Variants in CCBE1 observed in about 807,000 individuals in gnomAD.
CCBE1 encodes collagen and calcium binding EGF domains 1.
Under a neutral mutation model 50.0 loss-of-function variants are expected in CCBE1, and 37 were observed. That is an observed-to-expected ratio of 0.74 (90% CI 0.57 to 0.97). The LOEUF (loss-of-function observed/expected upper bound fraction) is 0.97. CCBE1 is among the 50% of genes least tolerant of loss of function. The pLI, the probability that CCBE1 is intolerant of heterozygous loss-of-function variation, is 0.00. For missense variants in CCBE1, 538 were observed against 523.8 expected, an observed-to-expected ratio of 1.03 and a Z score of -0.26; for synonymous variants, 234 against 203.7, an observed-to-expected ratio of 1.15 and a Z score of -1.27.
intron 2 of CCBE1, among the ~76,000 whole-genome samples, chr18:59,681,420 G>A (rs2054586921): frequency 1.3e-5 from 2 of 152,222 alleles, no homozygotes; most frequent in Non-Finnish European, 2.9e-5. Flanking sequence ...AAGCTGATCT[G>A]ATGTCCCCTT....
At chr18:59,492,341 T>C (rs1191267359) in intron 2 of CCBE1, among the ~76,000 whole-genome samples, 1 of 152,032 alleles carries the variant, frequency 6.6e-6, no homozygotes, top group Non-Finnish European at 1.5e-5. Flanking sequence ...GCTATTCCCT[T>C]TTATCTATGG....
intron 2 of CCBE1, among the ~76,000 whole-genome samples, chr18:59,667,139 T>A (rs1302243052): frequency 1.3e-5 from 2 of 151,620 alleles, no homozygotes; most frequent in African/African-American, 4.9e-5. Flanking sequence ...CCTGGTGGCA[T>A]ACGTCTATAG....
At chr18:59,583,400 G>A (rs2053116035) in intron 2 of CCBE1, among the ~76,000 whole-genome samples, 1 of 152,166 alleles carries the variant, frequency 6.6e-6, no homozygotes, top group Admixed American at 6.5e-5. Context: ...CACGATTTCA[G>A]ACATTTCTTC....
intron 2 of CCBE1, among the ~76,000 whole-genome samples, chr18:59,623,670 C>A (rs1343551944): frequency 6.6e-6 from 1 of 152,096 alleles, no homozygotes; most frequent in Non-Finnish European, 1.5e-5. Context: ...CAGATCAGTA[C>A]AAAAGCAAGG....
rs12605624 is a variant in CCBE1 at position 59,592,535 on chromosome 18, T to C, written c.212+104094A>G. Among the ~76,000 whole-genome samples, 317 of 152,322 alleles carry C rather than the reference T, an allele frequency of 2.1e-3. 4 individuals carry two copies. The East Asian group carries it at 0.032, about 15-fold the overall frequency. On this transcript the variant is annotated intron_variant, in intron 2 of 10. Transcript: ENST00000439986. ...TACAGATATAAAATGACATCTACAA[T>C]ATATTGATAAGCAAAGAAAGCCAAG...
intron 2 of CCBE1, among the ~76,000 whole-genome samples, chr18:59,543,237 G>A (rs2144388663): frequency 6.6e-6 from 1 of 152,244 alleles, no homozygotes. Context: ...CTTAATGTAG[G>A]TGATCCCCGC....
chr18:59,657,630 G>A (rs957344088), intron 2 of CCBE1, among the ~76,000 whole-genome samples: 7 of 152,188 alleles, frequency 4.6e-5, no homozygotes, highest in Non-Finnish European at 7.3e-5. Context: ...GGTGGCTCAC[G>A]CCTATAATCC....
intron 2 of CCBE1, among the ~76,000 whole-genome samples, chr18:59,526,586 G>A (rs576343753): frequency 1.3e-4 from 20 of 152,284 alleles, no homozygotes; most frequent in Admixed American, 3.3e-4. Context: ...TGGGATTACA[G>A]GTGTGAGCCA....
intron 5 of CCBE1, among the ~76,000 whole-genome samples, chr18:59,463,577 G>A (rs372787210): frequency 6.6e-6 from 1 of 152,176 alleles, no homozygotes; most frequent in Admixed American, 6.5e-5. Context: ...TCTGATACCA[G>A]TCTCTGGAAA....
chr18:59,502,410 G>A (rs1020163267), intron 2 of CCBE1, among the ~76,000 whole-genome samples: 1 of 152,028 alleles, frequency 6.6e-6, no homozygotes, highest in Non-Finnish European at 1.5e-5. Flanking sequence ...AAGAACATGA[G>A]TGCCAAAGAA....
At chr18:59,561,174 C>T (rs375818978) in intron 2 of CCBE1, among the ~76,000 whole-genome samples, 11 of 152,318 alleles carry the variant, frequency 7.2e-5, no homozygotes, top group South Asian at 2.1e-4. Context: ...TGGTAATCTG[C>T]GCCAATAGCT....
intron 2 of CCBE1, among the ~76,000 whole-genome samples, chr18:59,689,907 ACT>A (rs377397325): frequency 6.6e-6 from 1 of 152,060 alleles, no homozygotes; most frequent in East Asian, 1.9e-4. Context: ...GGTTTTCCTG[ACT>A]CTGCTTGAAG....
intron 2 of CCBE1, among the ~76,000 whole-genome samples, chr18:59,631,997 ATG>A (rs1304380123): frequency 2.6e-5 from 4 of 152,222 alleles, no homozygotes; most frequent in Non-Finnish European, 5.9e-5. Context: ...TCCAACACAG[ATG>A]TCCTTAAGAA....
intron 2 of CCBE1, among the ~76,000 whole-genome samples, chr18:59,629,830 G>A (rs1268595344): frequency 6.6e-6 from 1 of 152,138 alleles, no homozygotes; most frequent in African/African-American, 2.4e-5. Context: ...TGCCTTCAGG[G>A]GGAGGTAGCA....
chr18:59,596,534 C>A (rs144698862), intron 2 of CCBE1, among the ~76,000 whole-genome samples: 6 of 152,038 alleles, frequency 3.9e-5, no homozygotes, highest in East Asian at 1.9e-4. Context: ...TGATATACGG[C>A]GGAGGAAAAA....
At chr18:59,604,847 T>G (rs2053476313) in intron 2 of CCBE1, among the ~76,000 whole-genome samples, 1 of 152,240 alleles carries the variant, frequency 6.6e-6, no homozygotes, top group Non-Finnish European at 1.5e-5. Context: ...TCTTAAAATG[T>G]ATCATTTGTT....
chr18:59,643,684 G>T (rs556105187), intron 2 of CCBE1, among the ~76,000 whole-genome samples: 1 of 152,116 alleles, frequency 6.6e-6, no homozygotes, highest in Admixed American at 6.5e-5. Context: ...AGCCAAGTGT[G>T]GGGGCGCACA....
chr18:59,593,523 C>T (rs1302644323), intron 2 of CCBE1, among the ~76,000 whole-genome samples: 2 of 152,236 alleles, frequency 1.3e-5, no homozygotes, highest in Non-Finnish European at 2.9e-5. Flanking sequence ...TGCCATCCTC[C>T]TTCAGTAGCA....
intron 5 of CCBE1, among the ~76,000 whole-genome samples, chr18:59,460,996 C>T (rs58193263): frequency 1.3e-5 from 2 of 150,208 alleles, no homozygotes; most frequent in African/African-American, 4.9e-5. Context: ...AAAATGAGGT[C>T]TTCACATGGA....
Sources: gnomAD v4.1 joint callset for allele counts (sites outside exome capture counted in the v4.1 genomes callset) on GRCh38, gnomAD v4.1.1 for gene constraint, MANE v1.5 for transcripts, NCBI Gene and HGNC (gene_info 2026-07-23, HGNC 2026-07-21) for gene names.